Variants in ACSL5 observed in about 807,000 individuals in gnomAD.
ACSL5 encodes long-chain-fatty-acid--CoA ligase 5.
ACSL5 carries 50 observed loss-of-function variants against 84.9 expected under a neutral mutation model. The observed-to-expected ratio is 0.59, with a 90% CI of 0.47 to 0.75. ACSL5 has a LOEUF of 0.75. ACSL5 is among the 30% of genes least tolerant of loss of function. The pLI is 0.00. For synonymous variants in ACSL5, 280 were observed against 300.7 expected, an observed-to-expected ratio of 0.93 and a Z score of 0.71; for missense variants, 775 against 830.4, an observed-to-expected ratio of 0.93 and a Z score of 0.82.
At chr10:112,382,664 C>A (rs559287671) in intron 1 of ACSL5, among the ~76,000 whole-genome samples, 3 of 152,168 alleles carry the variant, frequency 2.0e-5, no homozygotes, top group African/African-American at 7.2e-5. Context: ...CTGCATCGAA[C>A]GCCCTAATGA....
At chr10:112,376,446 A>G (rs754890178) in intron 1 of ACSL5, 3 of 1,613,968 alleles carry the variant, frequency 1.9e-6, no homozygotes, top group Non-Finnish European at 2.5e-6. Flanking sequence ...GCCCCCTCGC[A>G]GGGTAAGGGG....
In ACSL5 at chr10:112,421,960, G is replaced by A; in HGVS notation, c.1401G>A (p.Val467=). The A allele has an allele frequency of 6.2e-7, 1 of 1,614,194 alleles. No homozygotes were observed. Among genetic ancestry groups the A allele is most frequent in the Non-Finnish European group, 8.5e-7 (1 of 1,180,038 alleles). ...GGTATGTTCTAGGTCACGTTGGGGT[G>A]CCCCTGGCTTGCAATTACGTGAAGC... is the stretch of plus-strand genomic sequence containing the variant. ...PGDWTSGHVG[V]PLACNYVKLE... is the part of the protein sequence containing the mutation. The change falls in exon 16 of 21, where the codon GTG becomes GTA. Residue 467 remains valine (V), a synonymous_variant. Transcript: ENST00000354655.
At chr10:112,413,862 A>G (rs891225490) in intron 12 of ACSL5, among the ~76,000 whole-genome samples, 7 of 152,252 alleles carry the variant, frequency 4.6e-5, no homozygotes, top group African/African-American at 1.4e-4. Context: ...TTCAGCAGAC[A>G]TCTTGGGAAG....
At chr10:112,418,110 G>C (rs536657271) in intron 14 of ACSL5, among the ~76,000 whole-genome samples, 169 bp downstream of exon 14, 68 of 152,308 alleles carry the variant, frequency 4.5e-4, no homozygotes, top group Admixed American at 9.2e-4. Context: ...TCTGTGTGTA[G>C]AAACCTTCAC....
At chr10:112,378,098 A>G (rs1849276184) in intron 1 of ACSL5, among the ~76,000 whole-genome samples, 1 of 152,144 alleles carries the variant, frequency 6.6e-6, no homozygotes, top group African/African-American at 2.4e-5. Context: ...GTGAGACCAC[A>G]GATACTACAT....
chr10:112,390,270 A>G (rs1849530768), intron 1 of ACSL5, among the ~76,000 whole-genome samples: 1 of 152,210 alleles, frequency 6.6e-6, no homozygotes, highest in African/African-American at 2.4e-5. Flanking sequence ...GCCAAGAAGC[A>G]CATAAAAAAA....
intron 1 of ACSL5, among the ~76,000 whole-genome samples, chr10:112,379,866 G>A (rs1302132634): frequency 6.6e-6 from 1 of 152,204 alleles, no homozygotes; most frequent in African/African-American, 2.4e-5. Flanking sequence ...CTTGACCACT[G>A]GTTGGGACAG....
intron 17 of ACSL5, among the ~76,000 whole-genome samples, chr10:112,423,593 C>T (rs758908784): frequency 2.2e-4 from 34 of 151,944 alleles, no homozygotes; most frequent in Non-Finnish European, 4.3e-4. Flanking sequence ...TATTCCTTAT[C>T]GAATATACAA....
At chr10:112,413,628 G>A (rs1010445931) in intron 12 of ACSL5, among the ~76,000 whole-genome samples, 4 of 152,136 alleles carry the variant, frequency 2.6e-5, no homozygotes, top group African/African-American at 9.7e-5. Context: ...GGGAGACTGA[G>A]GCAGGAGAAT....
intron 12 of ACSL5, among the ~76,000 whole-genome samples, chr10:112,414,299 T>A (rs1844261986): frequency 6.6e-6 from 1 of 152,078 alleles, no homozygotes; most frequent in Non-Finnish European, 1.5e-5. Flanking sequence ...AGATTTTCTC[T>A]TTGTATTTTT....
chr10:112,422,851 CAA>C (rs527977518), intron 17 of ACSL5, among the ~76,000 whole-genome samples: 22 of 56,626 alleles, frequency 3.9e-4, no homozygotes, highest in Admixed American at 8.0e-4. Flanking sequence ...GACTCTGTCT[CAA>C]AAAAAAAAAA....
chr10:112,421,996 G>C lies in ACSL5; in HGVS notation c.1437G>C (p.Val479=). The change falls in exon 16 of 21, where the codon GTG becomes GTC. Residue 479 remains valine, a synonymous_variant. Transcript: ENST00000354655. ...GCAATTACGTGAAGCTGGAAGATGT[G>C]GCTGACATGAACTACTTTACAGTGA... ...LACNYVKLED[V]ADMNYFTVNN... The C allele has an allele frequency of 6.2e-7, 1 of 1,614,224 alleles. No homozygotes were observed. Among genetic ancestry groups the C allele is most frequent in the Non-Finnish European group, 8.5e-7 (1 of 1,180,048 alleles).
In ACSL5 at chr10:112,400,406, CTTTTTT is replaced by C. The variant is rs573644087; in HGVS notation, c.265+1413_265+1418del. Among the ~76,000 whole-genome samples the C allele has an allele frequency of 1.4e-3, 138 of 98,860 alleles. 1 individual carries two copies. Among genetic ancestry groups the C allele is most frequent in the African/African-American group, 5.1e-3 (130 of 25,268 alleles). The allele number at this position is 98,860 out of a possible 152,430, so 64.9% of individuals were successfully genotyped here. A position where few individuals can be genotyped will look rare whatever the true frequency, so the allele number is the denominator to read the frequency against. On this transcript the variant is annotated intron_variant, in intron 3 of 20. Coordinates refer to ENST00000354655, the MANE Select transcript of ACSL5 (RefSeq NM_203379.2). ...AATTTTTTTTTCCTTTTTTTCTTTT[CTTTTTT>C]TTTTTTTTTTTTTTTGAGATGGAGT...
intron 1 of ACSL5, among the ~76,000 whole-genome samples, chr10:112,390,428 C>T (rs1849534771): frequency 6.6e-6 from 1 of 152,136 alleles, no homozygotes; most frequent in East Asian, 1.9e-4. Flanking sequence ...TCTTACATTG[C>T]TGGTTGGATA....
At chr10:112,394,432 TC>T (rs1843702394) in intron 1 of ACSL5, among the ~76,000 whole-genome samples, 1 of 152,204 alleles carries the variant, frequency 6.6e-6, no homozygotes, top group South Asian at 2.1e-4. Context: ...ATGGTTAATT[TC>T]TAAAACCTGT....
chr10:112,374,749 T>C (rs903606711), intron 1 of ACSL5, among the ~76,000 whole-genome samples: 1 of 152,192 alleles, frequency 6.6e-6, no homozygotes, highest in Non-Finnish European at 1.5e-5. Flanking sequence ...TATCTCATCC[T>C]ATAAAGCAGG....
chr10:112,387,726 A>G (rs1266896652), intron 1 of ACSL5, among the ~76,000 whole-genome samples: 2 of 152,194 alleles, frequency 1.3e-5, no homozygotes, highest in African/African-American at 4.8e-5. Flanking sequence ...GGGTGTAAGA[A>G]CTTGAGGATG....
chr10:112,399,059 G>A (rs776359922), intron 3 of ACSL5, 50 bp downstream of exon 3: 2 of 1,469,482 alleles, frequency 1.4e-6, no homozygotes, highest in Non-Finnish European at 1.9e-6. Context: ...TGAGGTCTGT[G>A]GCCCATCTCT....
chr10:112,393,618 T>G (rs1843686273), intron 1 of ACSL5, among the ~76,000 whole-genome samples: 1 of 152,248 alleles, frequency 6.6e-6, no homozygotes, highest in African/African-American at 2.4e-5. Context: ...TTTGTTCTTT[T>G]GATTTTCAGT....
Sources: gnomAD v4.1 joint callset for allele counts (sites outside exome capture counted in the v4.1 genomes callset) on GRCh38, gnomAD v4.1.1 for gene constraint, MANE v1.5 for transcripts, NCBI Gene and HGNC (gene_info 2026-07-23, HGNC 2026-07-21) for gene names.